THSD4: variants seen among roughly 807,000 people sequenced by gnomAD.
THSD4 encodes the protein thrombospondin type-1 domain-containing protein 4.
THSD4 carries 69 observed loss-of-function variants against 119.0 expected under a neutral mutation model. The observed-to-expected ratio is 0.58, with a 90% CI of 0.48 to 0.71. THSD4 has a LOEUF of 0.71. THSD4 is among the 30% of genes least tolerant of loss of function. The pLI is 0.00. For synonymous variants in THSD4, 524 were observed against 540.4 expected (o/e 0.97, Z 0.42); for missense variants, 1,393 against 1,391.1 (o/e 1.00, Z -0.02).
chr15:71,492,893 T>A (rs2047943714), intron 7 of THSD4, among the ~76,000 whole-genome samples: 1 of 143,122 alleles, frequency 7.0e-6, no homozygotes, highest in African/African-American at 2.8e-5. Context: ...CCATGAAATG[T>A]CTTTTTTTTT....
intron 8 of THSD4, among the ~76,000 whole-genome samples, chr15:71,672,129 T>C (rs1002981514): frequency 4.6e-5 from 7 of 152,338 alleles, no homozygotes; most frequent in South Asian, 4.1e-4. Context: ...ATGGAATGTT[T>C]TTCCATTTGT....
intron 4 of THSD4, among the ~76,000 whole-genome samples, chr15:71,233,079 A>G (rs568894927): frequency 1.3e-5 from 2 of 152,346 alleles, no homozygotes; most frequent in African/African-American, 2.4e-5. Context: ...CCGCCTCGGT[A>G]TGAGCTTGAT....
chr15:71,666,503 A>G (rs971463500), intron 8 of THSD4, among the ~76,000 whole-genome samples: 13 of 152,248 alleles, frequency 8.5e-5, no homozygotes, highest in African/African-American at 3.1e-4. Context: ...AACAGTAGTC[A>G]TACCACACAT....
chr15:71,536,624 G>A (rs1308668501), intron 7 of THSD4, among the ~76,000 whole-genome samples: 1 of 152,108 alleles, frequency 6.6e-6, no homozygotes, highest in East Asian at 1.9e-4. Flanking sequence ...TATTTATGGT[G>A]TGCCACATGA....
chr15:71,411,836 G>T lies in THSD4; in HGVS notation c.1152+13G>T. 1 of 1,613,560 alleles carries T rather than the reference G, an allele frequency of 6.2e-7. No individual in the cohort carries two copies. The highest frequency in any genetic ancestry group is 2.2e-5 in the East Asian group (1 of 44,844). ...TGGGCAGTGCAAGGTAAGTGCCCCC[G>T]AACTGGGGTGAATTCTTAAGGTGTT... On this transcript the variant is annotated intron_variant, in intron 7 of 17. Coordinates refer to ENST00000261862, the MANE Select transcript of THSD4 (RefSeq NM_024817.3).
intron 8 of THSD4, among the ~76,000 whole-genome samples, chr15:71,710,209 G>A (rs1193548672): frequency 6.6e-6 from 1 of 152,140 alleles, no homozygotes; most frequent in Non-Finnish European, 1.5e-5. Context: ...ACAGGGAGGT[G>A]CCCCCCTCCA....
intron 8 of THSD4, among the ~76,000 whole-genome samples, chr15:71,712,451 C>A (rs1567113899): frequency 6.6e-6 from 1 of 152,070 alleles, no homozygotes; most frequent in African/African-American, 2.4e-5. Context: ...TGATGTTCAA[C>A]CTTGAGAAAC....
upstream of THSD4, chr15:71,112,158 C>T (rs59864115): frequency 2.8e-4 from 450 of 1,613,640 alleles, 3 homozygotes; most frequent in South Asian, 3.3e-3. Context: ...CACGTGCAGA[C>T]GCTGTGCTGC....
intron 1 of THSD4, among the ~76,000 whole-genome samples, chr15:71,098,905 C>A (rs2040242835): frequency 6.6e-6 from 1 of 152,156 alleles, no homozygotes; most frequent in African/African-American, 2.4e-5. Context: ...GTTTCAAAAT[C>A]AGACACCTGC....
intron 7 of THSD4, among the ~76,000 whole-genome samples, chr15:71,571,109 T>A (rs917289559): frequency 6.6e-6 from 1 of 152,164 alleles, no homozygotes. Context: ...GCGGAACATG[T>A]TTCATTGTTC....
rs533362740 is a variant in THSD4 at position 71,379,749 on chromosome 15, C to T, written c.1016-31938C>T. On this transcript the variant is annotated intron_variant, in intron 6 of 17. Transcript: ENST00000261862. ...CTGGGATTACAGGCGTGAGCCACCG[C>T]GCCCGGCCACAAATGGCTTCTTTAC... Among the ~76,000 whole-genome samples, 15 of 151,958 alleles carry T rather than the reference C, an allele frequency of 9.9e-5. 1 individual carries two copies. The highest frequency in any genetic ancestry group is 4.2e-4 in the South Asian group (2 of 4,796).
chr15:71,314,854 A>C (rs892090661), intron 6 of THSD4, among the ~76,000 whole-genome samples: 2 of 152,218 alleles, frequency 1.3e-5, no homozygotes, highest in African/African-American at 4.8e-5. Flanking sequence ...TTTTAAACAA[A>C]TGTAACTTAG....
At chr15:71,585,730 G>A (rs1194169416) in intron 7 of THSD4, among the ~76,000 whole-genome samples, 1 of 152,046 alleles carries the variant, frequency 6.6e-6, no homozygotes, top group Non-Finnish European at 1.5e-5. Flanking sequence ...TGGTTCACTT[G>A]ATGGTGTCCC....
intron 6 of THSD4, among the ~76,000 whole-genome samples, chr15:71,331,480 CACTT>C (rs1352974493): frequency 2.0e-5 from 3 of 152,214 alleles, no homozygotes; most frequent in African/African-American, 7.2e-5. Flanking sequence ...TCTCCAAACA[CACTT>C]ACTAAATGCA....
intron 6 of THSD4, among the ~76,000 whole-genome samples, chr15:71,363,946 ATCTTT>A (rs1454604541): frequency 6.6e-6 from 1 of 152,200 alleles, no homozygotes; most frequent in Admixed American, 6.5e-5. Context: ...ATATTCAGAA[ATCTTT>A]TCTTTACTCT....
At chr15:71,336,285 TAAC>T (rs1052216561) in intron 6 of THSD4, among the ~76,000 whole-genome samples, 67 of 152,240 alleles carry the variant, frequency 4.4e-4, no homozygotes, top group Admixed American at 7.2e-4. Flanking sequence ...AAGTGGTAGA[TAAC>T]AAATACATTA....
At chr15:71,260,701 C>G (rs1197948462) in intron 6 of THSD4, among the ~76,000 whole-genome samples, 1 of 152,096 alleles carries the variant, frequency 6.6e-6, no homozygotes. Flanking sequence ...ACTTCTGTCT[C>G]GGGCAGGCGA....
intron 7 of THSD4, among the ~76,000 whole-genome samples, chr15:71,596,036 C>A (rs1194677257): frequency 1.3e-5 from 2 of 152,202 alleles, no homozygotes; most frequent in Non-Finnish European, 2.9e-5. Flanking sequence ...TCTTTTCCAG[C>A]AAAAGTTCAG....
At chr15:71,446,567 ACATAGCAG>A (rs2047183748) in intron 7 of THSD4, among the ~76,000 whole-genome samples, 1 of 152,220 alleles carries the variant, frequency 6.6e-6, no homozygotes, top group Non-Finnish European at 1.5e-5. Context: ...AGAATGCCTT[ACATAGCAG>A]GATATTTTTG....
Sources: gnomAD v4.1 joint callset for allele counts (sites outside exome capture counted in the v4.1 genomes callset) on GRCh38, gnomAD v4.1.1 for gene constraint, MANE v1.5 for transcripts, NCBI Gene and HGNC (gene_info 2026-07-23, HGNC 2026-07-21) for gene names.